ARID2: variants seen among roughly 807,000 people sequenced by gnomAD.
The protein encoded by ARID2 is AT-rich interaction domain 2, also known as AT-rich interactive domain-containing protein 2.
Under a neutral mutation model 184.6 loss-of-function variants are expected in ARID2, and 32 were observed. That is an observed-to-expected ratio of 0.17 (90% confidence interval 0.13 to 0.23). The LOEUF (loss-of-function observed/expected upper bound fraction) is 0.23. Ranked by LOEUF, ARID2 falls within the 10% of genes least tolerant of loss-of-function variation. ARID2 has a pLI of 1.00. For missense variants in ARID2, 1,696 were observed against 2,197.6 expected (o/e 0.77, Z 4.56); for synonymous variants, 836 against 772.6 (o/e 1.08, Z -1.36).
intron 12 of ARID2, among the ~76,000 whole-genome samples, chr12:45,847,688 C>T (rs954624224): frequency 6.6e-6 from 1 of 151,958 alleles, no homozygotes; most frequent in African/African-American, 2.4e-5. Flanking sequence ...TATTTGTCTC[C>T]CATTTCATGC....
intron 3 of ARID2, among the ~76,000 whole-genome samples, chr12:45,782,469 T>G (rs1942112255): frequency 6.6e-6 from 1 of 151,998 alleles, no homozygotes; most frequent in South Asian, 2.1e-4. Context: ...CCGTCTCTAC[T>G]GAAAATACAA....
At chr12:45,824,048 A>G (rs1942948244) in intron 6 of ARID2, among the ~76,000 whole-genome samples, 1 of 152,160 alleles carries the variant, frequency 6.6e-6, no homozygotes, top group Non-Finnish European at 1.5e-5. Flanking sequence ...AAATGCTAGC[A>G]AACCAAATCC....
chr12:45,898,967 G>GA (rs1172381363), intron 20 of ARID2, among the ~76,000 whole-genome samples: 1 of 151,548 alleles, frequency 6.6e-6, no homozygotes, highest in Non-Finnish European at 1.5e-5. Context: ...GAAGGTGTTA[G>GA]AAAAAATAAA....
intron 3 of ARID2, among the ~76,000 whole-genome samples, chr12:45,794,681 G>A (rs140768266): frequency 2.4e-4 from 37 of 152,246 alleles, no homozygotes; most frequent in Admixed American, 1.4e-3. Context: ...GAGGGCATTC[G>A]TCTTGCGTAC....
At chr12:45,893,347 G>T (rs1944327720) in intron 18 of ARID2, 73 bp from the exon 19 acceptor site, 2 of 1,509,104 alleles carry the variant, frequency 1.3e-6, no homozygotes, top group Admixed American at 2.2e-5. Context: ...GGGTTGGCAG[G>T]GTGGTCATAG....
Position 45,851,172 on chromosome 12 carries a change from C to T in ARID2, c.3049C>T (p.His1017Tyr). 1.2e-5 allele frequency: 20 copies of T among 1,614,142 alleles called. No homozygotes were observed. Among genetic ancestry groups the T allele is most frequent in the Non-Finnish European group, 1.7e-5 (20 of 1,180,016 alleles). The change falls in exon 15 of 21, where the codon CAT becomes TAT. Residue 1017 changes from histidine to tyrosine, a missense_variant. This residue lies in a region of ARID2 where 713 missense variants were observed against 824.4 expected (regional missense o/e 0.86). Coordinates refer to ENST00000334344, the MANE Select transcript of ARID2 (RefSeq NM_152641.4). ...LSVKRQQQQQHSPAPPPQQVQ... is the reference protein window; with the variant it reads ...LSVKRQQQQQYSPAPPPQQVQ... ...TGTGAAAAGGCAGCAACAGCAGCAA[C>T]ATTCACCAGCACCCCCACCACAGCA... is the stretch of plus-strand genomic sequence containing the variant.
chr12:45,893,355 T>A lies in ARID2; in HGVS notation c.5148-65T>A, dbSNP rs928329479. 3.2e-4 allele frequency: 484 copies of A among 1,528,426 alleles called. 3 individuals are homozygous for A. Among genetic ancestry groups the A allele is most frequent in the Non-Finnish European group, 3.8e-5 (43 of 1,135,044 alleles). 94.7% of individuals were successfully genotyped at this position (1,528,426 alleles called of 1,614,324 possible). ...CTTAAAGGGGTTGGCAGGGTGGTCA[T>A]AGTTGTCAGTCTGTCTGCAGTATCA... On this transcript the variant is annotated intron_variant, in intron 18 of 20. Coordinates refer to ENST00000334344, the MANE Select transcript of ARID2 (RefSeq NM_152641.4).
chr12:45,746,790 G>A (rs576434321), intron 3 of ARID2, among the ~76,000 whole-genome samples: 106 of 151,682 alleles, frequency 7.0e-4, no homozygotes, highest in Non-Finnish European at 1.2e-3. Context: ...TTTTTGAGAC[G>A]GAGTCTCGCT....
chr12:45,877,973 T>C (rs1049329032), intron 16 of ARID2, among the ~76,000 whole-genome samples: 8 of 152,214 alleles, frequency 5.3e-5, no homozygotes, highest in Non-Finnish European at 8.8e-5. Flanking sequence ...CCTTGACTTT[T>C]GAAGAGTGAT....
intron 3 of ARID2, among the ~76,000 whole-genome samples, chr12:45,784,152 G>A (rs1242656595): frequency 2.6e-5 from 4 of 151,854 alleles, no homozygotes; most frequent in African/African-American, 7.3e-5. Flanking sequence ...GCTGTACCTG[G>A]CTAATTTGTT....
intron 5 of ARID2, among the ~76,000 whole-genome samples, chr12:45,820,593 A>G (rs1942879643): frequency 6.6e-6 from 1 of 152,232 alleles, no homozygotes; most frequent in African/African-American, 2.4e-5. Context: ...TTCTAAAAGC[A>G]GTAACTTTCA....
chr12:45,762,257 A>G (rs1592060600), intron 3 of ARID2, among the ~76,000 whole-genome samples: 3 of 152,248 alleles, frequency 2.0e-5, no homozygotes, highest in Middle Eastern at 6.8e-3. Context: ...AAATGCTGGT[A>G]TATTTAGAGA....
chr12:45,869,649 G>A (rs1216366509), intron 16 of ARID2, among the ~76,000 whole-genome samples: 3 of 151,972 alleles, frequency 2.0e-5, no homozygotes, highest in African/African-American at 4.8e-5. Flanking sequence ...TTGGGAGGCC[G>A]AGGCAGATGG....
chr12:45,800,521 C>T (rs1352731181), intron 3 of ARID2, among the ~76,000 whole-genome samples: 1 of 151,614 alleles, frequency 6.6e-6, no homozygotes, highest in Non-Finnish European at 1.5e-5. Flanking sequence ...AATTTATAAA[C>T]GTGTGCATGC....
At chr12:45,825,374 T>C (rs561654079) in intron 6 of ARID2, among the ~76,000 whole-genome samples, 32 of 152,246 alleles carry the variant, frequency 2.1e-4, no homozygotes, top group African/African-American at 6.7e-4. Flanking sequence ...ACAGTTGTTA[T>C]ATGTCCATAA....
intron 20 of ARID2, among the ~76,000 whole-genome samples, chr12:45,902,770 C>G (rs1050128344): frequency 2.0e-5 from 3 of 151,974 alleles, no homozygotes; most frequent in Non-Finnish European, 4.4e-5. Context: ...GTCTCGAACT[C>G]CTGACCTCGT....
chr12:45,776,536 T>C (rs969574825), intron 3 of ARID2, among the ~76,000 whole-genome samples: 2 of 152,232 alleles, frequency 1.3e-5, no homozygotes, highest in Non-Finnish European at 2.9e-5. Context: ...AAATATTTAA[T>C]TTAAAATCCT....
chr12:45,747,066 G>T (rs1262777547), intron 3 of ARID2, among the ~76,000 whole-genome samples: 1 of 152,166 alleles, frequency 6.6e-6, no homozygotes, highest in Admixed American at 6.5e-5. Flanking sequence ...ACCGTGCCCG[G>T]CTGGACCTAG....
At chr12:45,829,249 C>T (rs1022529418) in intron 6 of ARID2, among the ~76,000 whole-genome samples, 12 of 151,942 alleles carry the variant, frequency 7.9e-5, no homozygotes, top group Non-Finnish European at 1.5e-4. Context: ...TTATTTGCCC[C>T]GTTAGGGCTT....
Sources: allele counts gnomAD v4.1 joint callset (sites outside exome capture counted in the v4.1 genomes callset), GRCh38; gene constraint gnomAD v4.1.1; regional missense constraint gnomAD v4.1.1; transcripts MANE v1.5; gene names NCBI Gene and HGNC (gene_info 2026-07-23, HGNC 2026-07-21).